CDK14: variants seen among roughly 807,000 people sequenced by gnomAD.
CDK14 encodes the protein cyclin-dependent kinase 14.
In CDK14, 34 loss-of-function variants were observed where a neutral mutation model predicts 60.7. The observed-to-expected ratio is 0.56, with a 90% CI of 0.43 to 0.75. The LOEUF (loss-of-function observed/expected upper bound fraction) is 0.75. CDK14 is among the 30% of genes least tolerant of loss of function. The probability of loss-of-function intolerance (pLI) is 0.00; values close to 1 mark genes in which losing one functional copy is unlikely to be tolerated. For synonymous variants in CDK14, 197 were observed against 203.7 expected, an observed-to-expected ratio of 0.97 and a Z score of 0.28; for missense variants, 482 against 564.1, an observed-to-expected ratio of 0.85 and a Z score of 1.47.
chr7:90,656,343 A>G (rs1286903968), intron 2 of CDK14, among the ~76,000 whole-genome samples: 1 of 151,716 alleles, frequency 6.6e-6, no homozygotes, highest in East Asian at 1.9e-4. Flanking sequence ...TCCTTAACCT[A>G]AATTAGAGTG....
chr7:90,955,873 A>C, intron 9 of CDK14, 56 bp downstream of exon 9: 1 of 1,593,678 alleles, frequency 6.3e-7, no homozygotes, highest in Non-Finnish European at 8.6e-7. Flanking sequence ...GGTCTGGGTC[A>C]AGCCTAGACA....
At chr7:91,171,151 C>T (rs1801504522) in intron 14 of CDK14, among the ~76,000 whole-genome samples, 2 of 151,928 alleles carry the variant, frequency 1.3e-5, no homozygotes, top group African/African-American at 4.8e-5. Flanking sequence ...AGATTGAGAC[C>T]ATCCTCGCTA....
intron 5 of CDK14, among the ~76,000 whole-genome samples, chr7:90,851,775 T>TC (rs1790652710): frequency 1.9e-5 from 1 of 51,424 alleles, no homozygotes; most frequent in African/African-American, 6.7e-5. Context: ...TGAATACCTG[T>TC]TTTTTTTTTA....
intron 1 of CDK14, among the ~76,000 whole-genome samples, chr7:90,600,725 C>G (rs1461426012): frequency 1.3e-5 from 2 of 152,188 alleles, no homozygotes; most frequent in African/African-American, 4.8e-5. Context: ...AATGCAACTT[C>G]AAAATATTTT....
chr7:90,733,494 A>C (rs1371209892), intron 3 of CDK14, among the ~76,000 whole-genome samples: 1 of 152,192 alleles, frequency 6.6e-6, no homozygotes, highest in Admixed American at 6.5e-5. Flanking sequence ...TTTATGAATC[A>C]GGGTGCTCCT....
intron 8 of CDK14, among the ~76,000 whole-genome samples, chr7:90,925,413 T>C (rs1038548111): frequency 9.2e-5 from 14 of 152,206 alleles, no homozygotes; most frequent in African/African-American, 3.4e-4. Flanking sequence ...GCGAATGGAA[T>C]AACTGAGGCA....
chr7:90,669,463 A>G (rs1801055327), intron 2 of CDK14, among the ~76,000 whole-genome samples: 1 of 152,206 alleles, frequency 6.6e-6, no homozygotes, highest in Non-Finnish European at 1.5e-5. Flanking sequence ...AGAGATGTAC[A>G]CAGACCCAAA....
At chr7:90,674,894 C>G (rs1308937388) in intron 2 of CDK14, among the ~76,000 whole-genome samples, 2 of 152,344 alleles carry the variant, frequency 1.3e-5, no homozygotes, top group South Asian at 2.1e-4. Flanking sequence ...ACACCCCAAA[C>G]TGAAGGTGGA....
At chr7:90,924,482 C>G (rs1793352786) in intron 8 of CDK14, among the ~76,000 whole-genome samples, 3 of 152,156 alleles carry the variant, frequency 2.0e-5, no homozygotes, top group Admixed American at 2.0e-4. Flanking sequence ...AGATCCTGGC[C>G]CATCTCTTTC....
At chr7:91,142,641 T>C (rs899705137) in intron 14 of CDK14, among the ~76,000 whole-genome samples, 5 of 152,214 alleles carry the variant, frequency 3.3e-5, no homozygotes, top group Non-Finnish European at 7.3e-5. Flanking sequence ...TTTAATCAGG[T>C]TTATTATTAT....
chr7:90,812,471 G>C (rs1009784331), intron 5 of CDK14, among the ~76,000 whole-genome samples: 1 of 151,960 alleles, frequency 6.6e-6, no homozygotes, highest in Non-Finnish European at 1.5e-5. Flanking sequence ...CTGTTGTGGG[G>C]TTGGGGAAGG....
At chr7:90,842,609 A>G (rs959300539) in intron 5 of CDK14, among the ~76,000 whole-genome samples, 4 of 152,116 alleles carry the variant, frequency 2.6e-5, no homozygotes, top group Non-Finnish European at 5.9e-5. Flanking sequence ...CCACACATCT[A>G]TGTGCGTCTG....
rs148439486 is a variant in CDK14, at chr7:91,019,612, T to G, written c.1042-26285T>G. 5.0e-3 allele frequency among the ~76,000 whole-genome samples: 754 copies of G among 152,314 alleles called. 3 individuals carry two copies. The highest frequency in any genetic ancestry group is 0.017 in the African/African-American group (717 of 41,566). On this transcript the variant is annotated intron_variant, in intron 10 of 14. Coordinates refer to ENST00000380050, the MANE Select transcript of CDK14 (RefSeq NM_001287135.2). The stretch of plus-strand genomic sequence containing the variant: ...CTTTAAACCTGTATAATATATTTTT[T>G]TGTAATGCCTTAATTTCAGAAGTAC...
At chr7:91,191,953 G>T (rs1802376714) in intron 14 of CDK14, among the ~76,000 whole-genome samples, 1 of 152,016 alleles carries the variant, frequency 6.6e-6, no homozygotes, top group African/African-American at 2.4e-5. Context: ...AACAGGCGTG[G>T]TTACTATGGC....
At chr7:90,983,422 G>A (rs968719363) in intron 9 of CDK14, among the ~76,000 whole-genome samples, 1 of 152,142 alleles carries the variant, frequency 6.6e-6, no homozygotes, top group African/African-American at 2.4e-5. Context: ...GCTCATGCCT[G>A]TAGTCCCAGC....
At chr7:90,748,831 C>A (rs1803696938) in intron 4 of CDK14, among the ~76,000 whole-genome samples, 1 of 152,150 alleles carries the variant, frequency 6.6e-6, no homozygotes, top group Non-Finnish European at 1.5e-5. Flanking sequence ...TTAAGTGATC[C>A]TCTGGCCTCG....
intron 2 of CDK14, among the ~76,000 whole-genome samples, chr7:90,693,569 G>A (rs1285099152): frequency 2.0e-5 from 3 of 152,088 alleles, no homozygotes; most frequent in African/African-American, 4.8e-5. Context: ...TAAGTAGAGC[G>A]GGAGAGCAGA....
intron 2 of CDK14, among the ~76,000 whole-genome samples, chr7:90,673,002 T>G (rs1212146006): frequency 6.6e-6 from 1 of 152,156 alleles, no homozygotes; most frequent in African/African-American, 2.4e-5. Flanking sequence ...AAATGCTGGT[T>G]GATTTTTTTT....
intron 10 of CDK14, among the ~76,000 whole-genome samples, chr7:91,041,307 A>G (rs1797084471): frequency 6.6e-6 from 1 of 151,856 alleles, no homozygotes; most frequent in Non-Finnish European, 1.5e-5. Flanking sequence ...GCTATTTGTT[A>G]CCATATGTGT....
Sources: gnomAD v4.1 joint callset for allele counts (sites outside exome capture counted in the v4.1 genomes callset) on GRCh38, gnomAD v4.1.1 for gene constraint, MANE v1.5 for transcripts, NCBI Gene and HGNC (gene_info 2026-07-23, HGNC 2026-07-21) for gene names.